Variants in BBS9 observed in about 807,000 individuals in gnomAD.
BBS9 encodes Bardet-Biedl syndrome 9.
In BBS9, 89 loss-of-function variants were observed where a neutral mutation model predicts 117.7. The ratio of observed to expected loss-of-function variants is 0.76; its 90% CI spans 0.64 to 0.90. The LOEUF is 0.90. BBS9 is among the 40% of genes least tolerant of loss of function. BBS9 has a pLI of 0.00. For synonymous variants in BBS9, 379 were observed against 370.9 expected (o/e 1.02, Z -0.25); for missense variants, 982 against 1,042.2 (o/e 0.94, Z 0.80).
intron 21 of BBS9, among the ~76,000 whole-genome samples, chr7:33,536,915 A>G (rs1386187969): frequency 1.3e-5 from 2 of 151,912 alleles, no homozygotes; most frequent in Non-Finnish European, 2.9e-5. Flanking sequence ...TTCTGCTTCA[A>G]GCCTGTAATT....
rs543840221 is a variant in BBS9 at position 33,285,412 on chromosome 7, T to C, written c.1016+11456T>C. On this transcript the variant is annotated intron_variant, in intron 9 of 22. Coordinates refer to ENST00000242067, the MANE Select transcript of BBS9 (RefSeq NM_198428.3). ...AGTTATGGGGGATGAAGGAACAGAA[T>C]TATGTCATAGTTCGTATATTTTTTC... Among the ~76,000 whole-genome samples, 31 of 152,292 alleles carry C rather than the reference T, an allele frequency of 2.0e-4. No individual in the cohort carries two copies. In the South Asian group the frequency reaches 6.2e-3, roughly 31 times the overall value.
downstream of BBS9, among the ~76,000 whole-genome samples, chr7:33,610,233 A>T (rs1481535197): frequency 6.6e-6 from 1 of 152,148 alleles, no homozygotes; most frequent in Admixed American, 6.6e-5. Context: ...TAACTCCAAA[A>T]TATGTATGGG....
chr7:33,444,540 C>T (rs1273198132), intron 19 of BBS9, among the ~76,000 whole-genome samples: 1 of 152,118 alleles, frequency 6.6e-6, no homozygotes, highest in African/African-American at 2.4e-5. Context: ...AAGGACTAGT[C>T]ATTATAGAAA....
At chr7:33,398,464 GTT>G (rs1410229847) in intron 19 of BBS9, among the ~76,000 whole-genome samples, 4 of 152,158 alleles carry the variant, frequency 2.6e-5, no homozygotes, top group African/African-American at 9.6e-5. Context: ...ACCCTTGCTA[GTT>G]TCTCAGCCAA....
At chr7:33,205,783 A>G (rs866531587) in intron 5 of BBS9, among the ~76,000 whole-genome samples, 2 of 152,200 alleles carry the variant, frequency 1.3e-5, no homozygotes, top group Non-Finnish European at 2.9e-5. Context: ...TGATCTTCAC[A>G]TACCCAATTT....
chr7:33,269,799 C>G (rs528734138), intron 7 of BBS9, among the ~76,000 whole-genome samples: 1 of 151,112 alleles, frequency 6.6e-6, no homozygotes, highest in Non-Finnish European at 1.5e-5. Flanking sequence ...CCGAGGCAGG[C>G]GGATCACGAG....
chr7:33,434,108 A>G (rs1563171073), intron 19 of BBS9, among the ~76,000 whole-genome samples: 3 of 151,926 alleles, frequency 2.0e-5, no homozygotes, highest in Admixed American at 6.6e-5. Context: ...TTTTTTATCA[A>G]TAATGATGGA....
intron 20 of BBS9, among the ~76,000 whole-genome samples, chr7:33,525,018 T>C (rs1467901080): frequency 1.3e-5 from 2 of 152,118 alleles, no homozygotes; most frequent in Admixed American, 6.5e-5. Flanking sequence ...CCAGTAGTCA[T>C]TCAGGAGCAG....
intron 19 of BBS9, among the ~76,000 whole-genome samples, chr7:33,420,240 T>G (rs994174684): frequency 6.6e-6 from 1 of 152,110 alleles, no homozygotes; most frequent in South Asian, 2.1e-4. Flanking sequence ...TTCTGTAAAA[T>G]GGGGATGATA....
At chr7:33,332,110 G>C (rs1162135847) in intron 9 of BBS9, among the ~76,000 whole-genome samples, 2 of 151,028 alleles carry the variant, frequency 1.3e-5, no homozygotes, top group African/African-American at 2.4e-5. Context: ...CGGGCACATA[G>C]ACCAATGGAA....
intron 19 of BBS9, among the ~76,000 whole-genome samples, chr7:33,436,753 A>C (rs1835359249): frequency 6.6e-6 from 1 of 152,214 alleles, no homozygotes; most frequent in Non-Finnish European, 1.5e-5. Context: ...CAAAGCTGTG[A>C]GCTGATTAAC....
At chr7:33,522,373 A>C (rs1055487371) in intron 20 of BBS9, among the ~76,000 whole-genome samples, 12 of 150,046 alleles carry the variant, frequency 8.0e-5, no homozygotes. Flanking sequence ...ACAGTGTAAA[A>C]GTGTTCCTAT....
intron 9 of BBS9, among the ~76,000 whole-genome samples, chr7:33,332,084 G>GGTA (rs371132379): frequency 5.5e-4 from 83 of 152,234 alleles, no homozygotes; most frequent in African/African-American, 1.9e-3. Flanking sequence ...CAAACAGCAT[G>GGTA]GTAGTGGTAT....
chr7:33,213,184 C>G (rs775893941), intron 5 of BBS9, among the ~76,000 whole-genome samples: 9 of 152,210 alleles, frequency 5.9e-5, no homozygotes, highest in Non-Finnish European at 1.2e-4. Flanking sequence ...TAAGCTGGCA[C>G]TCAAACCACA....
At position 33,367,834 on chromosome 7, in the gene BBS9, A is replaced by T; in HGVS notation, c.1761A>T (p.Arg587=). The T allele has an allele frequency of 1.2e-6, 2 of 1,613,842 alleles. No homozygotes were observed. The highest frequency in any genetic ancestry group is 2.2e-5 in the South Asian group (2 of 91,080). ...VMGFHFLGGA[R]ITVLASKTSQ... is the part of the protein sequence containing the mutation. ...GTTTTCACTTCTTAGGAGGTGCTCG[A>T]ATTACTGTTCTTGCTTCCAAAACTT... is the stretch of plus-strand genomic sequence containing the variant. The change falls in exon 17 of 23, where the codon CGA becomes CGT. Residue 587 remains arginine (R), a synonymous_variant. Coordinates refer to ENST00000242067, the MANE Select transcript of BBS9 (RefSeq NM_198428.3).
intron 2 of BBS9, among the ~76,000 whole-genome samples, chr7:33,151,411 G>A (rs527978408): frequency 9.9e-5 from 15 of 152,274 alleles, no homozygotes; most frequent in African/African-American, 3.1e-4. Context: ...TGGAATGAAT[G>A]TAAGATAGCT....
At chr7:33,585,071 C>G (rs1455067419) in intron 21 of BBS9, among the ~76,000 whole-genome samples, 1 of 152,020 alleles carries the variant, frequency 6.6e-6, no homozygotes, top group Non-Finnish European at 1.5e-5. Flanking sequence ...GTTGTAAATC[C>G]TATCTACTCT....
intron 6 of BBS9, among the ~76,000 whole-genome samples, chr7:33,262,434 C>G (rs1798112620): frequency 6.6e-6 from 1 of 152,136 alleles, no homozygotes; most frequent in Non-Finnish European, 1.5e-5. Context: ...CATAGCAGGA[C>G]AAGCTTTGGG....
At chr7:33,481,030 GC>G (rs1842456544) in intron 19 of BBS9, among the ~76,000 whole-genome samples, 1 of 152,024 alleles carries the variant, frequency 6.6e-6, no homozygotes, top group South Asian at 2.1e-4. Context: ...AGTCAATTAA[GC>G]CTCTTTTGTT....
Sources: allele counts gnomAD v4.1 joint callset (sites outside exome capture counted in the v4.1 genomes callset), GRCh38; gene constraint gnomAD v4.1.1; transcripts MANE v1.5; gene names NCBI Gene and HGNC (gene_info 2026-07-23, HGNC 2026-07-21).